The following ZC3H12B variants were observed in gnomAD, a reference collection of about 807,000 sequenced individuals.
ZC3H12B encodes the protein zinc finger CCCH-type containing 12B.
Under a neutral mutation model 43.9 loss-of-function variants are expected in ZC3H12B, and 7 were observed. The ratio of observed to expected loss-of-function variants is 0.16; its 90% CI spans 0.09 to 0.30. The LOEUF (loss-of-function observed/expected upper bound fraction) is 0.30. Among genes scored for constraint, ZC3H12B ranks in the 10% least tolerant of loss-of-function variants. ZC3H12B has a pLI of 1.00. For synonymous variants in ZC3H12B, 222 were observed against 241.7 expected (o/e 0.92, Z 0.76); for missense variants, 475 against 670.2 (o/e 0.71, Z 3.22).
At chrX:65,147,698 A>G in the ZC3H12B span, among the ~76,000 whole-genome samples, 1 of 111,148 alleles carries the variant, frequency 9.0e-6, no homozygotes, top group Non-Finnish European at 1.9e-5. Context: ...CTGAGTCATC[A>G]GGGATGATCC....
At chrX:65,354,898 A>T in the ZC3H12B span, among the ~76,000 whole-genome samples, 1 of 111,863 alleles carries the variant, frequency 8.9e-6, no homozygotes, top group East Asian at 2.8e-4. Context: ...TAAAGCTTGA[A>T]GACAAGATTA....
At chrX:65,155,204 C>G in the ZC3H12B span, among the ~76,000 whole-genome samples, 1 of 110,606 alleles carries the variant, frequency 9.0e-6, no homozygotes, top group Non-Finnish European at 1.9e-5. Flanking sequence ...GCCATCTGCC[C>G]ACCTTGGCCT....
intron 3 of ZC3H12B, among the ~76,000 whole-genome samples, chrX:65,455,158 T>C (rs1485606932): frequency 8.9e-6 from 1 of 112,240 alleles, no homozygotes; most frequent in Non-Finnish European, 1.9e-5. Context: ...AGAAGAAGGC[T>C]TCAGAAGATC....
chrX:65,177,955 G>C, the ZC3H12B span, among the ~76,000 whole-genome samples: 4 of 111,990 alleles, frequency 3.6e-5, no homozygotes, highest in Non-Finnish European at 7.5e-5. Context: ...GTATACCCAA[G>C]ACTATCCTAA....
the ZC3H12B span, among the ~76,000 whole-genome samples, chrX:65,345,575 G>A: frequency 2.7e-5 from 3 of 111,176 alleles, no homozygotes; most frequent in East Asian, 8.5e-4. Context: ...AGAAGATCAG[G>A]AAAAATAACT....
At chrX:65,154,627 T>C in the ZC3H12B span, among the ~76,000 whole-genome samples, 11 of 111,939 alleles carry the variant, frequency 9.8e-5, no homozygotes, top group East Asian at 5.6e-4. Context: ...GGCTGGAGGA[T>C]TGCTTGAGCC....
chrX:65,205,240 T>C, the ZC3H12B span, among the ~76,000 whole-genome samples: 1 of 111,871 alleles, frequency 8.9e-6, no homozygotes, highest in Admixed American at 9.5e-5. Context: ...AGTTTCTCCC[T>C]TCTTTCATAG....
the ZC3H12B span, among the ~76,000 whole-genome samples, chrX:65,181,515 G>A: frequency 3.6e-4 from 40 of 111,380 alleles, no homozygotes; most frequent in African/African-American, 1.3e-3. Context: ...TCTGAAAAAG[G>A]TCTAATATCC....
chrX:65,471,240 GC>G (rs2067908112), intron 3 of ZC3H12B, among the ~76,000 whole-genome samples: 2 of 110,273 alleles, frequency 1.8e-5, no homozygotes, highest in African/African-American at 6.6e-5. Flanking sequence ...TTGGATTGAT[GC>G]TTTTATCATT....
the ZC3H12B span, among the ~76,000 whole-genome samples, chrX:65,190,878 G>T: frequency 9.4e-6 from 1 of 105,945 alleles, no homozygotes; most frequent in East Asian, 2.9e-4. Flanking sequence ...TCTTGTGCCA[G>T]TTTTCAAAGG....
chrX:65,455,094 C>G (rs1230740420), intron 3 of ZC3H12B, among the ~76,000 whole-genome samples: 1 of 112,343 alleles, frequency 8.9e-6, no homozygotes, highest in Non-Finnish European at 1.9e-5. Flanking sequence ...AGGAATGCAG[C>G]TCCTCAACAG....
the ZC3H12B span, among the ~76,000 whole-genome samples, chrX:65,321,919 G>A: frequency 6.4e-4 from 71 of 110,502 alleles, no homozygotes; most frequent in African/African-American, 2.1e-3. Context: ...AAGGAGAGAG[G>A]TGAAAGATTA....
At chrX:65,128,952 C>T in the ZC3H12B span, among the ~76,000 whole-genome samples, 5 of 110,899 alleles carry the variant, frequency 4.5e-5, no homozygotes, top group Admixed American at 1.9e-4. Context: ...AGTGATTATC[C>T]TGTAGGTGGC....
At chrX:65,151,122 T>G in the ZC3H12B span, among the ~76,000 whole-genome samples, 2 of 112,367 alleles carry the variant, frequency 1.8e-5, no homozygotes, top group Non-Finnish European at 1.9e-5. Context: ...TTAATTTTTG[T>G]TCAAGATTTC....
the ZC3H12B span, among the ~76,000 whole-genome samples, chrX:65,064,961 A>G: frequency 9.2e-6 from 1 of 108,816 alleles, no homozygotes; most frequent in African/African-American, 3.3e-5. Flanking sequence ...CTAGGATTGC[A>G]ACTCCTGCTT....
At chrX:65,179,244 G>A in the ZC3H12B span, among the ~76,000 whole-genome samples, 1 of 108,616 alleles carries the variant, frequency 9.2e-6, no homozygotes, top group Non-Finnish European at 1.9e-5. Flanking sequence ...ACATCACAGA[G>A]TGGGGCCTGT....
At chrX:65,049,434 T>A in the ZC3H12B span, among the ~76,000 whole-genome samples, 1 of 111,715 alleles carries the variant, frequency 9.0e-6, no homozygotes, top group African/African-American at 3.2e-5. Context: ...GATTATCATT[T>A]TCCTATTATG....
At chrX:65,066,566 G>A in the ZC3H12B span, among the ~76,000 whole-genome samples, 1 of 111,483 alleles carries the variant, frequency 9.0e-6, no homozygotes, top group Non-Finnish European at 1.9e-5. Context: ...TTCTGTATGA[G>A]GCGTCTGTCG....
chrX:65,268,917 A>G, the ZC3H12B span, among the ~76,000 whole-genome samples: 20 of 112,672 alleles, frequency 1.8e-4, no homozygotes, highest in African/African-American at 5.8e-4. Context: ...AGGCATTCAA[A>G]TTAGAAAGAA....
Sources: gnomAD v4.1 joint callset for allele counts (sites outside exome capture counted in the v4.1 genomes callset) on GRCh38, gnomAD v4.1.1 for gene constraint, MANE v1.5 for transcripts, NCBI Gene and HGNC (gene_info 2026-07-23, HGNC 2026-07-21) for gene names.